CD247: variants seen among roughly 807,000 people sequenced by gnomAD.
The protein encoded by CD247 is T-cell surface glycoprotein CD3 zeta chain.
A neutral mutation model predicts 30.0 loss-of-function variants in CD247; 13 were observed. The observed-to-expected ratio is 0.43, with a 90% CI of 0.28 to 0.69. The LOEUF (loss-of-function observed/expected upper bound fraction) is 0.69, where lower values mean the gene tolerates loss of function less well. CD247 is among the 30% of genes least tolerant of loss of function. The pLI, the probability that CD247 is intolerant of heterozygous loss-of-function variation, is 0.16. For missense variants in CD247, 193 were observed against 212.6 expected, an observed-to-expected ratio of 0.91 and a Z score of 0.57; for synonymous variants, 72 against 80.0, an observed-to-expected ratio of 0.90 and a Z score of 0.53.
intron 1 of CD247, among the ~76,000 whole-genome samples, chr1:167,498,801 C>T (rs887801588): frequency 2.0e-5 from 3 of 152,120 alleles, no homozygotes; most frequent in Non-Finnish European, 4.4e-5. Context: ...TGAAACTGAC[C>T]TCCCTCAACC....
At chr1:167,517,759 G>A (rs937544901) in intron 1 of CD247, among the ~76,000 whole-genome samples, 1 of 152,226 alleles carries the variant, frequency 6.6e-6, no homozygotes, top group Non-Finnish European at 1.5e-5. Flanking sequence ...CCAGGCGTGG[G>A]TGTGGGGACA....
chr1:167,461,145 C>T (rs1180176122), intron 1 of CD247, among the ~76,000 whole-genome samples: 1 of 152,240 alleles, frequency 6.6e-6, no homozygotes, highest in Non-Finnish European at 1.5e-5. Flanking sequence ...GCTGCCGCCT[C>T]CCATGGCAGC....
At chr1:167,514,787 C>G (rs111879940) in intron 1 of CD247, among the ~76,000 whole-genome samples, 57 of 152,224 alleles carry the variant, frequency 3.7e-4, no homozygotes, top group African/African-American at 1.3e-3. Context: ...ATAAATAAGG[C>G]TTGGGAGAAA....
At chr1:167,485,129 A>G (rs1193217923) in intron 1 of CD247, among the ~76,000 whole-genome samples, 1 of 151,972 alleles carries the variant, frequency 6.6e-6, no homozygotes, top group Admixed American at 6.5e-5. Flanking sequence ...GATGGCATGG[A>G]CTCCTTCACT....
chr1:167,489,782 G>A (rs966331325), intron 1 of CD247, among the ~76,000 whole-genome samples: 2 of 152,166 alleles, frequency 1.3e-5, no homozygotes, highest in African/African-American at 4.8e-5. Context: ...TGGGCTCAGC[G>A]TTTTCCCCAC....
Position 167,431,359 on chromosome 1 carries a change from C to G in CD247, c.*322G>C. The G allele has an allele frequency of 1.7e-6, 1 of 597,118 alleles. No homozygotes were observed. The highest frequency in any genetic ancestry group is 3.0e-6 in the Non-Finnish European group (1 of 336,492). The allele number at this position is 597,118 out of a possible 1,614,324, so 37.0% of individuals were successfully genotyped here. ...CTCTGGGGACTTTACAAAACAGACT[C>G]AACAACTCAGCTGTGAGAGGCAGTG... On this transcript the variant is annotated 3_prime_UTR_variant, in exon 8 of 8. Coordinates refer to ENST00000362089, the MANE Select transcript of CD247 (RefSeq NM_198053.3).
chr1:167,451,219 A>G (rs916526496), intron 1 of CD247, among the ~76,000 whole-genome samples: 5 of 152,170 alleles, frequency 3.3e-5, no homozygotes, highest in Admixed American at 6.5e-5. Context: ...TTCCTTGGCC[A>G]GTGGCTTTTA....
In CD247 at chr1:167,470,929, T is replaced by C. The variant is rs569167145; in HGVS notation, c.59-30162A>G. Among the ~76,000 whole-genome samples the C allele has an allele frequency of 6.7e-5, 10 of 150,246 alleles. No individual in the cohort carries two copies. The South Asian group carries it at 2.1e-3, about 32-fold the overall frequency. ...CTCTGTCACCCAGGCTGGAGTGCAA[T>C]GGCACAATCTCGGCTCACTGCAACC... On this transcript the variant is annotated intron_variant, in intron 1 of 7. Coordinates refer to ENST00000362089, the MANE Select transcript of CD247 (RefSeq NM_198053.3).
At chr1:167,509,879 CA>C (rs979141486) in intron 1 of CD247, among the ~76,000 whole-genome samples, 2 of 151,898 alleles carry the variant, frequency 1.3e-5, no homozygotes, top group African/African-American at 4.8e-5. Flanking sequence ...AAGGAAGCTA[CA>C]AAAAAGGAAA....
At chr1:167,490,010 C>A (rs191319731) in intron 1 of CD247, among the ~76,000 whole-genome samples, 4 of 152,114 alleles carry the variant, frequency 2.6e-5, no homozygotes, top group South Asian at 4.1e-4. Context: ...CCTGTGCCCC[C>A]CCACCACCCC....
intron 1 of CD247, among the ~76,000 whole-genome samples, chr1:167,509,381 A>G (rs974068076): frequency 2.0e-5 from 3 of 151,828 alleles, no homozygotes; most frequent in African/African-American, 4.8e-5. Context: ...AAAAAAAAAA[A>G]AAAAAAAAAG....
chr1:167,445,369 C>G (rs1394180975), intron 1 of CD247, among the ~76,000 whole-genome samples: 1 of 152,132 alleles, frequency 6.6e-6, no homozygotes, highest in African/African-American at 2.4e-5. Flanking sequence ...AAGTTGGAAC[C>G]TTCCTGCCCT....
chr1:167,432,808 T>C (rs571175369), intron 7 of CD247, among the ~76,000 whole-genome samples: 1 of 152,276 alleles, frequency 6.6e-6, no homozygotes, highest in African/African-American at 2.4e-5. Flanking sequence ...CAAGGCATGG[T>C]TGGAGCCAAG....
chr1:167,465,506 T>A (rs987798517), intron 1 of CD247, among the ~76,000 whole-genome samples: 2 of 151,986 alleles, frequency 1.3e-5, no homozygotes, highest in African/African-American at 4.8e-5. Context: ...TTTTTTTGTA[T>A]TTTTAGTAGA....
At chr1:167,488,955 C>A (rs1042026679) in intron 1 of CD247, among the ~76,000 whole-genome samples, 5 of 152,170 alleles carry the variant, frequency 3.3e-5, no homozygotes, top group African/African-American at 1.2e-4. Context: ...TGGGCCGGGC[C>A]TCTTCTGAGA....
intron 1 of CD247, among the ~76,000 whole-genome samples, chr1:167,466,608 A>G (rs1653259233): frequency 6.6e-6 from 1 of 152,228 alleles, no homozygotes; most frequent in Admixed American, 6.5e-5. Flanking sequence ...GTATGTGTGT[A>G]TATACATATG....
chr1:167,454,255 T>C (rs1027647046), intron 1 of CD247, among the ~76,000 whole-genome samples: 3 of 152,196 alleles, frequency 2.0e-5, no homozygotes, highest in African/African-American at 4.8e-5. Context: ...CACACAAAAA[T>C]GTCATCCACG....
chr1:167,493,539 A>G (rs1184128749), intron 1 of CD247, among the ~76,000 whole-genome samples: 2 of 152,182 alleles, frequency 1.3e-5, no homozygotes, highest in Non-Finnish European at 2.9e-5. Context: ...CAACAGCCAT[A>G]TGAGATAGGT....
chr1:167,444,035 G>C (rs1006052311), intron 1 of CD247, among the ~76,000 whole-genome samples: 1 of 152,214 alleles, frequency 6.6e-6, no homozygotes, highest in Non-Finnish European at 1.5e-5. Flanking sequence ...GTGCAGGTGG[G>C]TTCGAGTACT....
Sources: allele counts gnomAD v4.1 joint callset (sites outside exome capture counted in the v4.1 genomes callset), GRCh38; gene constraint gnomAD v4.1.1; transcripts MANE v1.5; gene names NCBI Gene and HGNC (gene_info 2026-07-23, HGNC 2026-07-21).